The following SEC24C variants were observed in gnomAD, a reference collection of about 807,000 sequenced individuals.
The protein encoded by SEC24C is protein transport protein Sec24C.
Under a neutral mutation model 117.0 loss-of-function variants are expected in SEC24C, and 22 were observed. The ratio of observed to expected loss-of-function variants is 0.19; its 90% CI spans 0.13 to 0.27. The LOEUF (loss-of-function observed/expected upper bound fraction) is 0.27, where lower values mean the gene tolerates loss of function less well. Ranked by LOEUF, SEC24C falls within the 10% of genes least tolerant of loss-of-function variation. The probability of loss-of-function intolerance (pLI) is 1.00; values close to 1 mark genes in which losing one functional copy is unlikely to be tolerated. For synonymous variants in SEC24C, 506 were observed against 529.4 expected (o/e 0.96, Z 0.61); for missense variants, 1,155 against 1,375.1 (o/e 0.84, Z 2.53).
rs754887486 is a variant in SEC24C, at chr10:73,769,336, C to T, written c.2425-11C>T. The T allele has an allele frequency of 3.8e-5, 62 of 1,613,334 alleles. 1 individual carries two copies. Among genetic ancestry groups the T allele is most frequent in the South Asian group, 3.5e-4 (32 of 90,922 alleles). ...GAGGGGTGTGAGTTCCCCCTTTCTC[C>T]TTTCCCCTAGTGTGCCCTGCTTTAC... On this transcript the variant is annotated splice_polypyrimidine_tract_variant and intron_variant, in intron 17 of 22. Coordinates refer to ENST00000345254, the MANE Select transcript of SEC24C (RefSeq NM_198597.3). This position sits in a 1 kb window ranked among gnomAD's most constrained non-coding sequence, Gnocchi z 4.5.
chr10:73,766,708 A>G, intron 12 of SEC24C, 52 bp from the exon 13 acceptor site: 2 of 1,533,606 alleles, frequency 1.3e-6, no homozygotes, highest in Non-Finnish European at 1.8e-6. Flanking sequence ...GAACTGAGGT[A>G]TCTGGAATCT....
chr10:73,763,005 G>C, intron 6 of SEC24C, among the ~76,000 whole-genome samples: 1 of 152,148 alleles, frequency 6.6e-6, no homozygotes, highest in East Asian at 1.9e-4. Flanking sequence ...CCTGTCCCTT[G>C]TAATTTCATT....
At chr10:73,760,435 C>T (rs762459495) in intron 5 of SEC24C, 49 bp downstream of exon 5, 4 of 1,510,666 alleles carry the variant, frequency 2.6e-6, no homozygotes, top group South Asian at 1.3e-5. Flanking sequence ...TTCAGCTACT[C>T]AGGTGGTTTT....
chr10:73,771,265 T>C lies in SEC24C; in HGVS notation c.*170T>C. ...TCTGGGCTCAAGTATCCTGCCACTC[T>C]GTCATGTCCTGCTGATGGAAGGTGC... is the stretch of plus-strand genomic sequence containing the variant. On this transcript the variant is annotated 3_prime_UTR_variant, in exon 23 of 23. Transcript: ENST00000345254. 1 of 694,996 alleles carries C rather than the reference T, an allele frequency of 1.4e-6. No individual in the cohort carries two copies. Among genetic ancestry groups the C allele is most frequent in the Non-Finnish European group, 2.4e-6 (1 of 422,880 alleles). 43.1% of individuals were successfully genotyped at this position (694,996 alleles called of 1,614,324 possible). A position where few individuals can be genotyped will look rare whatever the true frequency, so the allele number is the denominator to read the frequency against.
At position 73,770,076 on chromosome 10, in the gene SEC24C, A is replaced by G. The variant is rs931501232; in HGVS notation, c.2862+61A>G. The G allele has an allele frequency of 6.7e-6, 10 of 1,499,168 alleles. No individual in the cohort carries two copies. In the African/African-American group the frequency reaches 1.4e-4, roughly 21 times the overall value. The allele number at this position is 1,499,168 out of a possible 1,614,324, so 92.9% of individuals were successfully genotyped here. A position where few individuals can be genotyped will look rare whatever the true frequency, so the allele number is the denominator to read the frequency against. ...GAGCAAAGGGCCTCTTAGGAGGAGG[A>G]AAGGATAGGCTAGTATCAGTCAGAC... On this transcript the variant is annotated intron_variant, in intron 20 of 22. Coordinates refer to ENST00000345254, the MANE Select transcript of SEC24C (RefSeq NM_198597.3).
chr10:73,768,685 A>G, intron 15 of SEC24C, 125 bp from the exon 16 acceptor site: 1 of 831,358 alleles, frequency 1.2e-6, no homozygotes, highest in Non-Finnish European at 2.0e-6. Flanking sequence ...CATCATCATT[A>G]TCATCCTCAC....
intron 3 of SEC24C, among the ~76,000 whole-genome samples, chr10:73,753,118 C>T (rs574416064): frequency 8.6e-5 from 13 of 151,866 alleles, no homozygotes; most frequent in East Asian, 1.9e-4. Flanking sequence ...GGTGTGATCT[C>T]GGTTCACTAC....
intron 3 of SEC24C, among the ~76,000 whole-genome samples, chr10:73,754,873 C>A (rs962985843): frequency 6.6e-6 from 1 of 152,194 alleles, no homozygotes; most frequent in Non-Finnish European, 1.5e-5. Context: ...GTGCCTCACT[C>A]CTGTAATCCC....
chr10:73,762,875 T>C (rs2082818306), intron 6 of SEC24C, among the ~76,000 whole-genome samples: 1 of 152,178 alleles, frequency 6.6e-6, no homozygotes, highest in Non-Finnish European at 1.5e-5. Context: ...GATTGAGCTA[T>C]AAGGATTGGG....
chr10:73,768,325 C>CGTGTG (rs2082917543), intron 15 of SEC24C, among the ~76,000 whole-genome samples: 2 of 152,008 alleles, frequency 1.3e-5, no homozygotes, highest in Non-Finnish European at 2.9e-5. Context: ...TGTGGTGAGC[C>CGTGTG]GAGATTGCGC....
At position 73,769,986 on chromosome 10, in the gene SEC24C, GTCT is replaced by G; in HGVS notation, c.2840_2842del (p.Phe947del). 6.2e-7 allele frequency: 1 copy of G among 1,614,162 alleles called. No individual in the cohort carries two copies. ...CTCCATGGATGTGACTGAGACCAAT[GTCT>G]TCTTCTACCCTCGGCTCTTACCTTT... On this transcript the variant is annotated inframe_deletion, in exon 20 of 23. Transcript: ENST00000345254. This position sits in a 1 kb window ranked among gnomAD's most constrained non-coding sequence, Gnocchi z 4.5.
Position 73,760,083 on chromosome 10 carries a change from C to T in SEC24C, c.547C>T (p.Pro183Ser). The T allele has an allele frequency of 1.2e-6, 2 of 1,613,830 alleles. No homozygotes were observed. Among genetic ancestry groups the T allele is most frequent in the Non-Finnish European group, 1.7e-6 (2 of 1,179,890 alleles). Reference protein sequence around the residue: ...FPNSGLYGSYPQGQAPPLSQA... With the variant: ...FPNSGLYGSYSQGQAPPLSQA... ...TAACTCTGGTCTGTATGGCTCCTAT[C>T]CTCAGGGCCAGGCTCCTCCCCTTAG... is the stretch of plus-strand genomic sequence containing the variant. Residue 183 changes from proline to serine, a missense_variant, in exon 5 of 23, where the codon CCT (proline) becomes TCT (serine). Pro to Ser is a moderately conservative substitution (Grantham distance 74). This residue lies in a region of SEC24C where 396 missense variants were observed against 382.8 expected (regional missense o/e 1.03). Transcript: ENST00000345254.
In SEC24C at chr10:73,769,172, G is replaced by A. The variant is rs373867323; in HGVS notation, c.2424+20G>A. 7.6e-5 allele frequency: 122 copies of A among 1,613,098 alleles called. No homozygotes were observed. The African/African-American group carries it at 1.5e-3, about 20-fold the overall frequency. On this transcript the variant is annotated intron_variant, in intron 17 of 22. Transcript: ENST00000345254. This position sits in a 1 kb window ranked among gnomAD's most constrained non-coding sequence, Gnocchi z 4.5. Reference sequence around the variant, plus strand: ...CTGCAGGTGGCAGGCGGGAGGCGGGGCTGGGCAGGAAGTGTTTCATTCGCT... The same window carrying A: ...CTGCAGGTGGCAGGCGGGAGGCGGGACTGGGCAGGAAGTGTTTCATTCGCT...
At chr10:73,748,895 C>A (rs1361120729) in intron 2 of SEC24C, among the ~76,000 whole-genome samples, 1 of 151,796 alleles carries the variant, frequency 6.6e-6, no homozygotes, top group East Asian at 1.9e-4. Flanking sequence ...GCACCCACCA[C>A]CACACCTGGC....
chr10:73,750,304 A>T (rs1288371639), intron 2 of SEC24C, among the ~76,000 whole-genome samples: 2 of 152,244 alleles, frequency 1.3e-5, no homozygotes, highest in Admixed American at 1.3e-4. Flanking sequence ...GAGCAAAAGA[A>T]AAGCATTCTT....
In SEC24C at chr10:73,771,026, G is replaced by C. The variant is rs567903676; in HGVS notation, c.3216G>C (p.Leu1072=). The C allele has an allele frequency of 1.1e-5, 17 of 1,614,240 alleles. No individual in the cohort carries two copies. In the East Asian group the frequency reaches 2.0e-4, roughly 19 times the overall value. Residue 1072 remains leucine, a synonymous_variant, in exon 23 of 23, where the codon CTG becomes CTC. Coordinates refer to ENST00000345254, the MANE Select transcript of SEC24C (RefSeq NM_198597.3). The stretch of plus-strand genomic sequence containing the variant: ...ACTTCCTGGTGGAAGACAAGAGTCT[G>C]AGTGGGGGAGCATCTTATGTGGACT... ...FKHFLVEDKS[L]SGGASYVDFL...
intron 9 of SEC24C, 77 bp from the exon 10 acceptor site, chr10:73,765,723 G>A: frequency 2.6e-6 from 4 of 1,553,384 alleles, no homozygotes; most frequent in Non-Finnish European, 3.5e-6. Context: ...GAGGGATAGT[G>A]GTGTGAGCTC....
chr10:73,747,199 T>C (rs2082568095), intron 2 of SEC24C, among the ~76,000 whole-genome samples, 195 bp downstream of exon 2: 1 of 152,220 alleles, frequency 6.6e-6, no homozygotes, highest in Admixed American at 6.5e-5. Flanking sequence ...TTTAATTTTT[T>C]TTTGAGACAG....
chr10:73,754,763 T>C (rs776212203), intron 3 of SEC24C, among the ~76,000 whole-genome samples: 62 of 152,226 alleles, frequency 4.1e-4, no homozygotes, highest in Non-Finnish European at 7.9e-4. Flanking sequence ...AAAGTGAGTA[T>C]TGAGATTAAA....
Sources: allele counts gnomAD v4.1 joint callset (sites outside exome capture counted in the v4.1 genomes callset), GRCh38; gene constraint gnomAD v4.1.1; regional missense constraint gnomAD v4.1.1; non-coding constraint Gnocchi (gnomAD v3.1); transcripts MANE v1.5; gene names NCBI Gene and HGNC (gene_info 2026-07-23, HGNC 2026-07-21).